The following NRXN1 variants were observed in gnomAD, a reference collection of about 807,000 sequenced individuals.
NRXN1 encodes neurexin 1, also known as neurexin-1.
NRXN1 carries 39 observed loss-of-function variants against 150.9 expected under a neutral mutation model. The ratio of observed to expected loss-of-function variants is 0.26; its 90% CI spans 0.20 to 0.34. The LOEUF is 0.34. Among genes scored for constraint, NRXN1 ranks in the 10% least tolerant of loss-of-function variants. NRXN1 has a pLI of 1.00. For missense variants in NRXN1, 1,815 were observed against 1,949.9 expected (o/e 0.93, Z 1.30); for synonymous variants, 924 against 757.0 (o/e 1.22, Z -3.62).
At chr2:50,097,678 T>G (rs1420555287) in intron 18 of NRXN1, among the ~76,000 whole-genome samples, 1 of 152,084 alleles carries the variant, frequency 6.6e-6, no homozygotes, top group Non-Finnish European at 1.5e-5. Flanking sequence ...TCACTCTTAT[T>G]GCCCAGGCTG....
intron 17 of NRXN1, among the ~76,000 whole-genome samples, chr2:50,344,539 C>A (rs2077787644): frequency 6.6e-6 from 1 of 152,176 alleles, no homozygotes; most frequent in Admixed American, 6.5e-5. Flanking sequence ...ATAATACCAA[C>A]CACTATACAC....
chr2:50,868,295 C>T (rs1677260973), intron 5 of NRXN1, among the ~76,000 whole-genome samples: 1 of 148,654 alleles, frequency 6.7e-6, no homozygotes, highest in South Asian at 2.1e-4. Flanking sequence ...AATTCAGAAA[C>T]AGAAAGTCAA....
chr2:50,831,915 G>A (rs1172037627), intron 5 of NRXN1, among the ~76,000 whole-genome samples: 3 of 152,178 alleles, frequency 2.0e-5, no homozygotes, highest in Admixed American at 6.5e-5. Flanking sequence ...TCTGAGTGAC[G>A]CTGATTGTTC....
In NRXN1 at chr2:50,711,917, C is replaced by G. The variant is rs952143452; in HGVS notation, c.833-88302G>C. Among the ~76,000 whole-genome samples the G allele has an allele frequency of 2.0e-5, 3 of 152,100 alleles. 1 individual carries two copies. The highest frequency in any genetic ancestry group is 2.0e-4 in the Admixed American group (3 of 15,262). On this transcript the variant is annotated intron_variant, in intron 5 of 22. Coordinates refer to ENST00000401669, the MANE Select transcript of NRXN1 (RefSeq NM_001330078.2). ...GAGGCAAGAAGCCCATCACCAGACA[C>G]CAGACGCCGGCACCTTGATCTTGGA...
intron 17 of NRXN1, among the ~76,000 whole-genome samples, chr2:50,327,897 C>G (rs1248473531): frequency 6.6e-6 from 1 of 152,186 alleles, no homozygotes; most frequent in African/African-American, 2.4e-5. Flanking sequence ...TAATCTCCCG[C>G]CTTGGCCTCC....
At chr2:50,575,998 T>C (rs938829166) in intron 8 of NRXN1, among the ~76,000 whole-genome samples, 9 of 152,108 alleles carry the variant, frequency 5.9e-5, no homozygotes, top group Non-Finnish European at 1.3e-4. Flanking sequence ...AGGATCTTTA[T>C]AAATATTTAT....
chr2:50,292,014 C>T (rs2152944832), intron 17 of NRXN1, among the ~76,000 whole-genome samples: 1 of 152,270 alleles, frequency 6.6e-6, no homozygotes, highest in Admixed American at 6.5e-5. Flanking sequence ...GCTGCCACAG[C>T]ACTGCAACCA....
At chr2:50,988,342 A>T (rs574492972) in intron 2 of NRXN1, among the ~76,000 whole-genome samples, 2 of 152,048 alleles carry the variant, frequency 1.3e-5, no homozygotes, top group East Asian at 3.9e-4. Context: ...AACCATTTAC[A>T]TTTATTTTTT....
At chr2:50,119,075 G>C (rs554247442) in intron 18 of NRXN1, among the ~76,000 whole-genome samples, 1 of 151,728 alleles carries the variant, frequency 6.6e-6, no homozygotes, top group East Asian at 1.9e-4. Context: ...CTCTGTAAGA[G>C]CTTTGTGCTG....
At chr2:50,554,279 T>C (rs1175846893) in intron 8 of NRXN1, 1 of 152,158 alleles carries the variant, frequency 6.6e-6, no homozygotes, top group African/African-American at 2.4e-5. Flanking sequence ...ATTAGCGCTA[T>C]GAAGTCAACC....
At chr2:50,709,954 T>C (rs1211966472) in intron 5 of NRXN1, among the ~76,000 whole-genome samples, 1 of 152,170 alleles carries the variant, frequency 6.6e-6, no homozygotes, top group East Asian at 1.9e-4. Flanking sequence ...ATATTTTGAG[T>C]TGATACATGT....
rs1673138973 is a variant in NRXN1, at chr2:49,947,503, CTTTTTTTTTTCT to C, written c.4129-3724_4129-3713del. Among the ~76,000 whole-genome samples, 3 of 134,074 alleles carry C rather than the reference CTTTTTTTTTTCT, an allele frequency of 2.2e-5. No homozygotes were observed. In the Admixed American group the frequency reaches 2.3e-4, roughly 10 times the overall value. 88.0% of individuals were successfully genotyped at this position (134,074 alleles called of 152,430 possible). A position where few individuals can be genotyped will look rare whatever the true frequency, so the allele number is the denominator to read the frequency against. ...CTCTTCTCCTTCTCCTTTTTTCTTTCTTTTTTTTTTCTTTTTTTTTTTTTTTTTGTAGAGATA... is the reference window on the plus strand; with the variant it reads ...CTCTTCTCCTTCTCCTTTTTTCTTTCTTTTTTTTTTTTTTTTGTAGAGATA... On this transcript the variant is annotated intron_variant, in intron 21 of 22. Transcript: ENST00000401669.
chr2:50,240,623 A>G (rs1163411055), intron 17 of NRXN1, among the ~76,000 whole-genome samples: 2 of 151,696 alleles, frequency 1.3e-5, no homozygotes, highest in Non-Finnish European at 3.0e-5. Context: ...AGAATAGCTT[A>G]GAGATTAAGA....
At chr2:50,862,830 G>T (rs1574746649) in intron 5 of NRXN1, among the ~76,000 whole-genome samples, 1 of 152,132 alleles carries the variant, frequency 6.6e-6, no homozygotes, top group Non-Finnish European at 1.5e-5. Flanking sequence ...GAAGTAAAAA[G>T]ATCCAGGATT....
At chr2:50,014,592 T>C (rs1044464944) in intron 21 of NRXN1, among the ~76,000 whole-genome samples, 4 of 152,188 alleles carry the variant, frequency 2.6e-5, no homozygotes, top group Non-Finnish European at 4.4e-5. Context: ...ATCTCCCTAG[T>C]TGAGAACCAC....
At chr2:50,786,083 A>G (rs1705074400) in intron 5 of NRXN1, among the ~76,000 whole-genome samples, 1 of 152,112 alleles carries the variant, frequency 6.6e-6, no homozygotes, top group Admixed American at 6.6e-5. Context: ...GAATGCAAAT[A>G]ATGACTGCAG....
chr2:50,060,156 T>A (rs1404303185), intron 19 of NRXN1, among the ~76,000 whole-genome samples: 1 of 152,182 alleles, frequency 6.6e-6, no homozygotes, highest in Non-Finnish European at 1.5e-5. Flanking sequence ...GGCTGTACCC[T>A]GCAAAGCCAC....
At chr2:50,037,284 A>C (rs1052616460) in intron 21 of NRXN1, among the ~76,000 whole-genome samples, 1 of 151,494 alleles carries the variant, frequency 6.6e-6, no homozygotes. Context: ...CAAAGCAAAC[A>C]GTTATTTGGC....
At position 50,532,356 on chromosome 2, in the gene NRXN1, GA is replaced by G. The variant is rs142179002; in HGVS notation, c.2144-927del. Among the ~76,000 whole-genome samples, 1,168 of 134,402 alleles carry G rather than the reference GA, an allele frequency of 8.7e-3. 12 individuals carry two copies. Among genetic ancestry groups the G allele is most frequent in the African/African-American group, 0.027 (1,056 of 39,282 alleles). The allele number at this position is 134,402 out of a possible 152,430, so 88.2% of individuals were successfully genotyped here. A position where few individuals can be genotyped will look rare whatever the true frequency, so the allele number is the denominator to read the frequency against. On this transcript the variant is annotated intron_variant, in intron 10 of 22. Transcript: ENST00000401669. Reference sequence around the variant, plus strand: ...TGCCCTGATAGAATTATTTTTAAAAGAAAAAAAAAAGAAATATAGCTTAACT... The same window carrying G: ...TGCCCTGATAGAATTATTTTTAAAAGAAAAAAAAAGAAATATAGCTTAACT...
Sources: gnomAD v4.1 joint callset for allele counts (sites outside exome capture counted in the v4.1 genomes callset) on GRCh38, gnomAD v4.1.1 for gene constraint, MANE v1.5 for transcripts, NCBI Gene and HGNC (gene_info 2026-07-23, HGNC 2026-07-21) for gene names.